CSMD2: variants seen among roughly 807,000 people sequenced by gnomAD.
The protein encoded by CSMD2 is CUB and Sushi multiple domains 2, also known as CUB and sushi domain-containing protein 2.
CSMD2 carries 130 observed loss-of-function variants against 398.5 expected under a neutral mutation model. The observed-to-expected ratio is 0.33, with a 90% CI of 0.28 to 0.38. CSMD2 has a LOEUF of 0.38. CSMD2 is among the 10% of genes least tolerant of loss of function. The pLI is 1.00. For missense variants in CSMD2, 3,829 were observed against 4,764.9 expected, an observed-to-expected ratio of 0.80 and a Z score of 5.78; for synonymous variants, 1,828 against 1,908.5, an observed-to-expected ratio of 0.96 and a Z score of 1.10.
At chr1:33,854,356 G>A (rs928680137) in intron 5 of CSMD2, among the ~76,000 whole-genome samples, 4 of 152,182 alleles carry the variant, frequency 2.6e-5, no homozygotes, top group South Asian at 2.1e-4. Context: ...ATGATTGGCC[G>A]AATGAATGAA....
chr1:33,706,185 G>T (rs1251696232), intron 22 of CSMD2, among the ~76,000 whole-genome samples: 1 of 152,006 alleles, frequency 6.6e-6, no homozygotes, highest in Non-Finnish European at 1.5e-5. Context: ...ATTTCCAGCG[G>T]TTTTTATTTA....
chr1:34,152,239 G>C (rs767439453), intron 1 of CSMD2, among the ~76,000 whole-genome samples: 1 of 152,130 alleles, frequency 6.6e-6, no homozygotes, highest in Non-Finnish European at 1.5e-5. Context: ...TCATGGAATG[G>C]GTTTCATGTA....
chr1:33,551,343 C>A (rs184098003), intron 55 of CSMD2, among the ~76,000 whole-genome samples: 1 of 152,134 alleles, frequency 6.6e-6, no homozygotes, highest in African/African-American at 2.4e-5. Context: ...GTTATATGAT[C>A]GGATTTACAT....
At chr1:33,838,956 T>C (rs1660580005) in intron 6 of CSMD2, 1 of 152,414 alleles carries the variant, frequency 6.6e-6, no homozygotes, top group East Asian at 1.9e-4. Flanking sequence ...TATGTGCTGA[T>C]ACTGTAATTA....
chr1:33,709,137 A>G lies in CSMD2; in HGVS notation c.3528T>C (p.Ile1176=), dbSNP rs10914765. Residue 1176 remains isoleucine, a synonymous_variant, in exon 22 of 71, where the codon ATT becomes ATC. Coordinates refer to ENST00000373381, the MANE Select transcript of CSMD2 (RefSeq NM_001281956.2). The stretch of plus-strand genomic sequence containing the variant: ...GTTCGAATGCCCTGGCTTTCAGCTG[A>G]ATTCCCTTCCCTGGCTGGGTCTGGA... ...YSIQTQPGKG[I]QLKARAFELS... is the part of the protein sequence containing the mutation. The G allele has an allele frequency of 7.3e-3, 11,842 of 1,614,040 alleles. 391 individuals are homozygous for G. In the African/African-American group the frequency reaches 0.077, roughly 10 times the overall value.
At chr1:33,697,099 A>G (rs989968622) in intron 24 of CSMD2, among the ~76,000 whole-genome samples, 1 of 151,204 alleles carries the variant, frequency 6.6e-6, no homozygotes, top group Non-Finnish European at 1.5e-5. Flanking sequence ...AGTGAACCCA[A>G]TAAGTCCAGT....
At chr1:33,889,206 A>G (rs1013505472) in intron 5 of CSMD2, among the ~76,000 whole-genome samples, 15 of 152,270 alleles carry the variant, frequency 9.9e-5, no homozygotes, top group African/African-American at 3.4e-4. Context: ...TGTTAAAAAT[A>G]TACAAAGAGC....
rs367708973 is a variant in CSMD2 at position 33,938,490 on chromosome 1, TC to T, written c.518-2537del. 7.2e-5 allele frequency among the ~76,000 whole-genome samples: 11 copies of T among 151,818 alleles called. No individual in the cohort carries two copies. In the East Asian group the frequency reaches 1.8e-3, roughly 24 times the overall value. On this transcript the variant is annotated intron_variant, in intron 3 of 70. Coordinates refer to ENST00000373381, the MANE Select transcript of CSMD2 (RefSeq NM_001281956.2). ...CTGGCTTATTTGGCATTTCCCATGA[TC>T]CCCTGCTGCTGGTTTACTTGGCATT...
At chr1:33,763,616 G>A (rs1057248430) in intron 13 of CSMD2, among the ~76,000 whole-genome samples, 17 of 152,180 alleles carry the variant, frequency 1.1e-4, no homozygotes, top group African/African-American at 3.9e-4. Context: ...TGGACATCCT[G>A]ATAGGAAATG....
chr1:33,998,323 G>A (rs1367435593), intron 3 of CSMD2, among the ~76,000 whole-genome samples: 1 of 152,128 alleles, frequency 6.6e-6, no homozygotes, highest in Non-Finnish European at 1.5e-5. Context: ...CTAGTCCTTG[G>A]ATTTCTCAGC....
Position 33,705,931 on chromosome 1 carries a change from A to AT in CSMD2, c.3576+3157dup, listed in dbSNP as rs200139711. 1.7e-3 allele frequency among the ~76,000 whole-genome samples: 249 copies of AT among 143,678 alleles called. 1 individual carries two copies. The highest frequency in any genetic ancestry group is 4.9e-3 in the African/African-American group (193 of 39,058). 94.3% of individuals were successfully genotyped at this position (143,678 alleles called of 152,430 possible). A position where few individuals can be genotyped will look rare whatever the true frequency, so the allele number is the denominator to read the frequency against. ...TTCTGCTAGTATTGTCTACTTTATT[A>AT]TTTAAAAAAAAAAAAAACAGTTGGT... On this transcript the variant is annotated intron_variant, in intron 22 of 70. Transcript: ENST00000373381.
intron 3 of CSMD2, among the ~76,000 whole-genome samples, chr1:34,004,912 C>T (rs1037895307): frequency 1.3e-5 from 2 of 152,300 alleles, no homozygotes; most frequent in Non-Finnish European, 1.5e-5. Context: ...TCTCCTTCTT[C>T]CTCAGCAATT....
At chr1:33,592,123 C>T (rs769420499) in intron 44 of CSMD2, 28 of 449,214 alleles carry the variant, frequency 6.2e-5, no homozygotes, top group Non-Finnish European at 1.0e-4. Flanking sequence ...GAAGAGAGAA[C>T]CCAAGGGTGG....
At chr1:33,988,336 C>T (rs192002115) in intron 3 of CSMD2, among the ~76,000 whole-genome samples, 148 of 152,196 alleles carry the variant, frequency 9.7e-4, no homozygotes, top group Non-Finnish European at 1.7e-3. Flanking sequence ...AACTGTAGAC[C>T]CCTAAGGGAG....
intron 44 of CSMD2, among the ~76,000 whole-genome samples, chr1:33,595,700 C>G (rs2148784435): frequency 6.6e-6 from 1 of 152,334 alleles, no homozygotes. Context: ...TGACATGTCT[C>G]CATCATGCCT....
intron 2 of CSMD2, among the ~76,000 whole-genome samples, chr1:34,052,192 CACAT>C (rs1653258342): frequency 6.6e-6 from 1 of 151,552 alleles, no homozygotes; most frequent in Admixed American, 6.6e-5. Context: ...CACACACACA[CACAT>C]CACACATACA....
chr1:33,819,169 C>G (rs748689858), intron 9 of CSMD2, among the ~76,000 whole-genome samples: 6 of 152,116 alleles, frequency 3.9e-5, no homozygotes, highest in Admixed American at 1.3e-4. Flanking sequence ...CTAGGCCAGC[C>G]CAGGCTTGGC....
intron 25 of CSMD2, among the ~76,000 whole-genome samples, chr1:33,670,686 T>A (rs1331580214): frequency 6.6e-6 from 1 of 152,242 alleles, no homozygotes; most frequent in African/African-American, 2.4e-5. Context: ...AATCCAGCCC[T>A]GTAGGTTCCC....
chr1:33,523,284 G>A, intron 67 of CSMD2, 23 bp downstream of exon 67: 2 of 1,085,324 alleles, frequency 1.8e-6, no homozygotes, highest in Non-Finnish European at 2.9e-6. Flanking sequence ...AGTCAGGGGA[G>A]GAGGTGAGTT....
Sources: allele counts gnomAD v4.1 joint callset (sites outside exome capture counted in the v4.1 genomes callset), GRCh38; gene constraint gnomAD v4.1.1; transcripts MANE v1.5; gene names NCBI Gene and HGNC (gene_info 2026-07-23, HGNC 2026-07-21).